The following THSD4 variants were observed in gnomAD, a reference collection of about 807,000 sequenced individuals.
THSD4 encodes the protein thrombospondin type-1 domain-containing protein 4.
In THSD4, 69 loss-of-function variants were observed where a neutral mutation model predicts 119.0. The observed-to-expected ratio is 0.58, with a 90% confidence interval of 0.48 to 0.71. The LOEUF (loss-of-function observed/expected upper bound fraction) is 0.71, where lower values mean the gene tolerates loss of function less well. Ranked by LOEUF, THSD4 falls within the 30% of genes least tolerant of loss-of-function variation. THSD4 has a pLI of 0.00. For synonymous variants in THSD4, 524 were observed against 540.4 expected (o/e 0.97, Z 0.42); for missense variants, 1,393 against 1,391.1 (o/e 1.00, Z -0.02).
At chr15:71,436,295 G>A (rs557725459) in intron 7 of THSD4, among the ~76,000 whole-genome samples, 7 of 152,086 alleles carry the variant, frequency 4.6e-5, no homozygotes, top group Admixed American at 2.6e-4. Flanking sequence ...AGACAAAGAC[G>A]AAGGAAAAAA....
intron 2 of THSD4, among the ~76,000 whole-genome samples, chr15:71,148,428 T>G (rs192006909): frequency 2.8e-3 from 430 of 152,368 alleles, no homozygotes; most frequent in African/African-American, 0.01. Context: ...TGATTGATAT[T>G]CACCTTGGTG....
chr15:71,445,647 T>A (rs1283877527), intron 7 of THSD4, among the ~76,000 whole-genome samples: 2 of 152,236 alleles, frequency 1.3e-5, no homozygotes, highest in African/African-American at 4.8e-5. Flanking sequence ...TTTTCTCAGA[T>A]GATCCTTCCC....
At chr15:71,279,926 C>T (rs976666800) in intron 6 of THSD4, among the ~76,000 whole-genome samples, 3 of 152,208 alleles carry the variant, frequency 2.0e-5, no homozygotes, top group Non-Finnish European at 4.4e-5. Flanking sequence ...GCCCTAGCTC[C>T]CTTGGACCAC....
chr15:71,184,611 G>A (rs552733201), intron 3 of THSD4, among the ~76,000 whole-genome samples: 1 of 151,864 alleles, frequency 6.6e-6, no homozygotes, highest in East Asian at 1.9e-4. Context: ...CTACCCAGAG[G>A]TAGAAGCATG....
At chr15:71,303,111 C>G (rs1283120460) in intron 6 of THSD4, among the ~76,000 whole-genome samples, 1 of 152,150 alleles carries the variant, frequency 6.6e-6, no homozygotes, top group Non-Finnish European at 1.5e-5. Flanking sequence ...GGAGGATAAG[C>G]TTTCCTACCC....
At chr15:71,485,695 A>AG (rs1327610596) in intron 7 of THSD4, among the ~76,000 whole-genome samples, 3 of 152,096 alleles carry the variant, frequency 2.0e-5, no homozygotes, top group South Asian at 2.1e-4. Flanking sequence ...GAAAAAAAAA[A>AG]AGAGAGAGAA....
chr15:71,667,716 G>A lies in THSD4; in HGVS notation c.1357+6982G>A, dbSNP rs1020198785. ...TTAAATACTATGATGTCTTACATTC[G>A]TATGACTATTAATCCCTAATATTTT... On this transcript the variant is annotated intron_variant, in intron 8 of 17. Coordinates refer to ENST00000261862, the MANE Select transcript of THSD4 (RefSeq NM_024817.3). Among the ~76,000 whole-genome samples the A allele has an allele frequency of 2.4e-4, 36 of 152,064 alleles. 2 individuals are homozygous for A. The highest frequency in any genetic ancestry group is 2.4e-5 in the African/African-American group (1 of 41,382).
chr15:71,558,748 C>A (rs1017283225), intron 7 of THSD4, among the ~76,000 whole-genome samples: 1 of 152,212 alleles, frequency 6.6e-6, no homozygotes, highest in Non-Finnish European at 1.5e-5. Flanking sequence ...TGGGATTACA[C>A]ACGTGAGCCA....
At chr15:71,294,718 G>A (rs1878056) in intron 6 of THSD4, among the ~76,000 whole-genome samples, 147,806 of 152,192 alleles carry the variant, frequency 0.97, 71,911 homozygotes, top group East Asian at 1. Flanking sequence ...AGGCCCAAAC[G>A]ATTACCAAAC....
intron 6 of THSD4, among the ~76,000 whole-genome samples, chr15:71,282,539 A>T (rs1450084695): frequency 1.3e-5 from 2 of 152,284 alleles, no homozygotes; most frequent in Middle Eastern, 3.4e-3. Flanking sequence ...TGGTTCCGAC[A>T]TATCCTAGCT....
At chr15:71,630,725 G>A (rs2050610202) in intron 7 of THSD4, among the ~76,000 whole-genome samples, 3 of 152,198 alleles carry the variant, frequency 2.0e-5, no homozygotes, top group South Asian at 2.1e-4. Context: ...CAGCTCTGGG[G>A]ATCCCCTCAG....
At chr15:71,323,096 TAAAA>T (rs34395762) in intron 6 of THSD4, among the ~76,000 whole-genome samples, 1 of 98,540 alleles carries the variant, frequency 1.0e-5, no homozygotes. Flanking sequence ...GACCCTGTCT[TAAAA>T]AAAAAAAAAA....
chr15:71,339,181 A>G (rs55910322), intron 6 of THSD4, among the ~76,000 whole-genome samples: 11,690 of 152,138 alleles, frequency 0.077, 1,502 homozygotes, highest in African/African-American at 0.27. Flanking sequence ...GCATTTTAGC[A>G]TTCTTAGTAT....
chr15:71,265,582 C>T lies in THSD4; in HGVS notation c.1015+8867C>T, dbSNP rs142532602. Among the ~76,000 whole-genome samples the T allele has an allele frequency of 3.3e-4, 50 of 152,128 alleles. 1 individual carries two copies. The East Asian group carries it at 8.9e-3, about 27-fold the overall frequency. On this transcript the variant is annotated intron_variant, in intron 6 of 17. Transcript: ENST00000261862. ...GAGTTTTTTTTTCGTACCCCAGTGGCGCCTGGAATGCCAGTGAGACAAAAC... is the reference window on the plus strand; with the variant it reads ...GAGTTTTTTTTTCGTACCCCAGTGGTGCCTGGAATGCCAGTGAGACAAAAC...
intron 7 of THSD4, among the ~76,000 whole-genome samples, chr15:71,477,737 C>T (rs574712548): frequency 6.6e-6 from 1 of 152,266 alleles, no homozygotes; most frequent in Admixed American, 6.5e-5. Context: ...ATCTTCCTCC[C>T]GTCTCCTGCC....
chr15:71,564,359 G>A (rs1261159475), intron 7 of THSD4, among the ~76,000 whole-genome samples: 1 of 152,200 alleles, frequency 6.6e-6, no homozygotes, highest in Non-Finnish European at 1.5e-5. Flanking sequence ...CAGCATGGCT[G>A]ATTCTGCTGA....
In THSD4 at chr15:71,780,664, C is replaced by T. The variant is rs2291275; in HGVS notation, c.*3290C>T. 0.55 allele frequency: 252,242 copies of T among 456,230 alleles called. 73,476 individuals carry two copies. The highest frequency in any genetic ancestry group is 0.62 in the Middle Eastern group (1,909 of 3,070). The allele number at this position is 456,230 out of a possible 1,614,324, so 28.3% of individuals were successfully genotyped here. ...CAGGGAGGGCAAGGCAGCCTGTCCCCGCCCCCAGGGAACTAGAACATGACA... is the reference window on the plus strand; with the variant it reads ...CAGGGAGGGCAAGGCAGCCTGTCCCTGCCCCCAGGGAACTAGAACATGACA... On this transcript the variant is annotated 3_prime_UTR_variant, in exon 18 of 18. Transcript: ENST00000261862.
At chr15:71,303,327 A>AG (rs1456515785) in intron 6 of THSD4, among the ~76,000 whole-genome samples, 2 of 152,148 alleles carry the variant, frequency 1.3e-5, no homozygotes, top group South Asian at 2.1e-4. Flanking sequence ...CCTGGTCAGG[A>AG]GGGGGGCAGT....
At chr15:71,622,668 G>C (rs35319730) in intron 7 of THSD4, among the ~76,000 whole-genome samples, 31,815 of 152,086 alleles carry the variant, frequency 0.21, 3,848 homozygotes, top group African/African-American at 0.33. Context: ...GTGAAAAGCA[G>C]CTAAGGACCA....
Sources: gnomAD v4.1 joint callset for allele counts (sites outside exome capture counted in the v4.1 genomes callset) on GRCh38, gnomAD v4.1.1 for gene constraint, MANE v1.5 for transcripts, NCBI Gene and HGNC (gene_info 2026-07-23, HGNC 2026-07-21) for gene names.